CDC42BPA: variants seen among roughly 807,000 people sequenced by gnomAD.
The protein encoded by CDC42BPA is serine/threonine-protein kinase MRCK alpha.
Under a neutral mutation model 223.5 loss-of-function variants are expected in CDC42BPA, and 80 were observed. The observed-to-expected ratio is 0.36, with a 90% CI of 0.30 to 0.43. CDC42BPA has a LOEUF of 0.43. Among genes scored for constraint, CDC42BPA ranks in the 20% least tolerant of loss-of-function variants. The pLI is 1.00. For missense variants in CDC42BPA, 1,743 were observed against 2,099.9 expected, an observed-to-expected ratio of 0.83 and a Z score of 3.32; for synonymous variants, 694 against 718.6, an observed-to-expected ratio of 0.97 and a Z score of 0.55.
chr1:227,205,216 C>G (rs1305684433), intron 3 of CDC42BPA, among the ~76,000 whole-genome samples: 1 of 145,086 alleles, frequency 6.9e-6, no homozygotes, highest in Non-Finnish European at 1.5e-5. Flanking sequence ...CTGCAGTGAG[C>G]CAAGATCTAG....
At chr1:227,104,619 GTAC>G (rs1685589853) in intron 14 of CDC42BPA, among the ~76,000 whole-genome samples, 1 of 150,650 alleles carries the variant, frequency 6.6e-6, no homozygotes, top group Admixed American at 6.6e-5. Context: ...CTAACCACCA[GTAC>G]TTCAGAATGT....
In CDC42BPA at chr1:227,023,367, T is replaced by TA. The variant is rs756149217; in HGVS notation, c.4531-21dup. The TA allele has an allele frequency of 1.7e-4, 227 of 1,324,858 alleles. No individual in the cohort carries two copies. The highest frequency in any genetic ancestry group is 2.2e-4 in the Non-Finnish European group (212 of 947,180). 82.1% of individuals were successfully genotyped at this position (1,324,858 alleles called of 1,614,324 possible). A position where few individuals can be genotyped will look rare whatever the true frequency, so the allele number is the denominator to read the frequency against. ...TCGAACCTAAAATAAAAGACAAAATTAGTATTTCAACAAAACCTTTAAAAA... is the reference window on the plus strand; with the variant it reads ...TCGAACCTAAAATAAAAGACAAAATTAAGTATTTCAACAAAACCTTTAAAAA... On this transcript the variant is annotated intron_variant, in intron 31 of 36. Coordinates refer to ENST00000366766, the MANE Select transcript of CDC42BPA (RefSeq NM_001394014.1).
intron 3 of CDC42BPA, among the ~76,000 whole-genome samples, chr1:227,204,352 C>G (rs1047146636): frequency 6.6e-6 from 1 of 152,078 alleles, no homozygotes; most frequent in Non-Finnish European, 1.5e-5. Context: ...GTAACATCCG[C>G]AACTGCCAAG....
At chr1:227,135,432 G>T (rs1157433046) in intron 10 of CDC42BPA, among the ~76,000 whole-genome samples, 1 of 152,146 alleles carries the variant, frequency 6.6e-6, no homozygotes, top group Admixed American at 6.5e-5. Context: ...ATGGTATAGG[G>T]CAGAAGGCTG....
intron 15 of CDC42BPA, among the ~76,000 whole-genome samples, chr1:227,093,763 T>C (rs1008214382): frequency 6.6e-6 from 1 of 152,212 alleles, no homozygotes; most frequent in Admixed American, 6.5e-5. Context: ...GCTGCAGTCC[T>C]CAACCTTGGC....
chr1:227,232,246 T>C (rs6699534), intron 2 of CDC42BPA, among the ~76,000 whole-genome samples: 25,918 of 152,186 alleles, frequency 0.17, 2,251 homozygotes, highest in Middle Eastern at 0.2. Context: ...GGGAATCCTT[T>C]CCCCATTTCT....
At chr1:227,093,931 T>G (rs902101275) in intron 15 of CDC42BPA, among the ~76,000 whole-genome samples, 1 of 152,178 alleles carries the variant, frequency 6.6e-6, no homozygotes. Flanking sequence ...TCAAAGCAGC[T>G]ATAACCTGAG....
chr1:227,173,173 C>T (rs972723502), intron 5 of CDC42BPA, among the ~76,000 whole-genome samples: 3 of 152,188 alleles, frequency 2.0e-5, no homozygotes, highest in African/African-American at 7.2e-5. Context: ...CGTTCAATTA[C>T]CCTGCATTGG....
At chr1:227,177,638 A>G (rs1322122645) in intron 5 of CDC42BPA, among the ~76,000 whole-genome samples, 1 of 152,008 alleles carries the variant, frequency 6.6e-6, no homozygotes, top group Admixed American at 6.5e-5. Flanking sequence ...AGGGCAGGGG[A>G]GGGTTCTGGT....
intron 19 of CDC42BPA, among the ~76,000 whole-genome samples, chr1:227,072,646 A>C (rs536086990): frequency 1.3e-5 from 2 of 152,190 alleles, no homozygotes; most frequent in Non-Finnish European, 2.9e-5. Context: ...TATTAAATTT[A>C]AAAATGTTAC....
At position 227,126,374 on chromosome 1, in the gene CDC42BPA, C is replaced by A. The variant is rs191479583; in HGVS notation, c.1513+2735G>T. Among the ~76,000 whole-genome samples, 235 of 152,074 alleles carry A rather than the reference C, an allele frequency of 1.5e-3. 1 individual carries two copies. The highest frequency in any genetic ancestry group is 2.4e-3 in the Non-Finnish European group (160 of 68,010). ...TCAGAAAGGATGCATGCAGGTGGAT[C>A]CCCTGCTGGTACTCTTTTGTTCAGG... On this transcript the variant is annotated intron_variant, in intron 11 of 36. Coordinates refer to ENST00000366766, the MANE Select transcript of CDC42BPA (RefSeq NM_001394014.1).
chr1:227,082,076 G>A (rs1421285914), intron 16 of CDC42BPA, among the ~76,000 whole-genome samples: 1 of 151,904 alleles, frequency 6.6e-6, no homozygotes, highest in African/African-American at 2.4e-5. Flanking sequence ...CACCCAGGCT[G>A]GAGTGCAGTG....
At chr1:227,040,640 G>A (rs1363672588) in intron 23 of CDC42BPA, among the ~76,000 whole-genome samples, 1 of 151,952 alleles carries the variant, frequency 6.6e-6, no homozygotes, top group Non-Finnish European at 1.5e-5. Flanking sequence ...TACCTTCTTA[G>A]GAAAAAGAGT....
chr1:227,100,074 A>G (rs1684734552), intron 15 of CDC42BPA, among the ~76,000 whole-genome samples: 1 of 152,184 alleles, frequency 6.6e-6, no homozygotes, highest in South Asian at 2.1e-4. Context: ...GAGAATGACA[A>G]TAACATATAT....
At chr1:227,163,535 T>C (rs77275819) in intron 5 of CDC42BPA, among the ~76,000 whole-genome samples, 14,636 of 151,930 alleles carry the variant, frequency 0.096, 868 homozygotes, top group Middle Eastern at 0.16. Flanking sequence ...ACTGGTATCA[T>C]TGGTCATTTT....
intron 23 of CDC42BPA, among the ~76,000 whole-genome samples, chr1:227,042,972 G>C (rs552904306): frequency 3.3e-5 from 5 of 152,202 alleles, no homozygotes; most frequent in African/African-American, 1.2e-4. Context: ...GAAGATGTAA[G>C]AGCCAAGTAG....
Position 227,093,878 on chromosome 1 carries a change from T to C in CDC42BPA, c.2250-1887A>G, listed in dbSNP as rs115715318. Among the ~76,000 whole-genome samples the C allele has an allele frequency of 6.0e-3, 919 of 152,322 alleles. 10 individuals carry two copies. Among genetic ancestry groups the C allele is most frequent in the African/African-American group, 0.021 (856 of 41,554 alleles). On this transcript the variant is annotated intron_variant, in intron 15 of 36. Transcript: ENST00000366766. Reference sequence around the variant, plus strand: ...GTGCTGAGAACTCTGAACTCTCGTATTGCTTCAAACCTCTGCAGGTAGAAG... The same window carrying C: ...GTGCTGAGAACTCTGAACTCTCGTACTGCTTCAAACCTCTGCAGGTAGAAG...
At chr1:227,065,140 CTTT>C (rs777461462) in intron 21 of CDC42BPA, among the ~76,000 whole-genome samples, 3 of 142,008 alleles carry the variant, frequency 2.1e-5, no homozygotes, top group East Asian at 1.9e-4. Context: ...TCAAACCCTT[CTTT>C]ATCTGTCCTA....
chr1:227,027,623 C>T (rs1288527513), intron 30 of CDC42BPA, among the ~76,000 whole-genome samples: 1 of 152,156 alleles, frequency 6.6e-6, no homozygotes, highest in Non-Finnish European at 1.5e-5. Flanking sequence ...TGTGCTTCTA[C>T]AGAACTCTCT....
Sources: allele counts gnomAD v4.1 joint callset (sites outside exome capture counted in the v4.1 genomes callset), GRCh38; gene constraint gnomAD v4.1.1; transcripts MANE v1.5; gene names NCBI Gene and HGNC (gene_info 2026-07-23, HGNC 2026-07-21).